PDE1A: variants seen among roughly 807,000 people sequenced by gnomAD.
PDE1A encodes phosphodiesterase 1A.
PDE1A carries 35 observed loss-of-function variants against 61.7 expected under a neutral mutation model. The observed-to-expected ratio is 0.57, with a 90% confidence interval of 0.43 to 0.75. The LOEUF (loss-of-function observed/expected upper bound fraction) is 0.75. Among genes scored for constraint, PDE1A ranks in the 30% least tolerant of loss-of-function variants. The pLI, the probability that PDE1A is intolerant of heterozygous loss-of-function variation, is 0.00. For missense variants in PDE1A, 597 were observed against 630.6 expected (o/e 0.95, Z 0.57); for synonymous variants, 232 against 213.2 (o/e 1.09, Z -0.77).
upstream of PDE1A, among the ~76,000 whole-genome samples, chr2:182,431,556 C>T (rs1384730650): frequency 6.6e-6 from 1 of 152,104 alleles, no homozygotes; most frequent in Non-Finnish European, 1.5e-5. Context: ...ACAGTAGAAT[C>T]ATTTTCGAGA....
chr2:182,449,049 T>TACACACACACAC (rs200893342), intron 2 of PDE1A, among the ~76,000 whole-genome samples: 32 of 90,644 alleles, frequency 3.5e-4, no homozygotes, highest in African/African-American at 9.5e-4. Flanking sequence ...ATCATACACA[T>TACACACACACAC]ACACACACAC....
chr2:182,468,225 C>T (rs1686798653), intron 2 of PDE1A, among the ~76,000 whole-genome samples: 1 of 152,090 alleles, frequency 6.6e-6, no homozygotes, highest in East Asian at 1.9e-4. Context: ...TGTTTGATAG[C>T]ATTTGACTGA....
intron 1 of PDE1A, among the ~76,000 whole-genome samples, chr2:182,363,125 C>G (rs1180965178): frequency 6.6e-6 from 1 of 151,902 alleles, no homozygotes; most frequent in Middle Eastern, 3.2e-3. Context: ...AGGCTTAATA[C>G]CTGGGTGACG....
At chr2:182,264,195 C>T in intron 2 of PDE1A, 106 bp downstream of exon 2, 1 of 678,632 alleles carries the variant, frequency 1.5e-6, no homozygotes, top group Middle Eastern at 2.8e-4. Flanking sequence ...TTTGGTTTCA[C>T]AGGAAGATAT....
At position 182,382,511 on chromosome 2, in the gene PDE1A, C is replaced by T. The variant is rs1218712232; in HGVS notation, c.53+44067G>A. Among the ~76,000 whole-genome samples the T allele has an allele frequency of 2.6e-5, 4 of 152,184 alleles. No homozygotes were observed. In the East Asian group the frequency reaches 7.7e-4, roughly 29 times the overall value. On this transcript the variant is annotated intron_variant, in intron 1 of 13. Transcript: ENST00000351439. The stretch of plus-strand genomic sequence containing the variant: ...GCTTCCAGATAAGAGCCCAGACTAG[C>T]TAACACCTTGATTTCATTCTTGTGA...
intron 1 of PDE1A, among the ~76,000 whole-genome samples, chr2:182,356,481 T>A (rs2125134175): frequency 6.6e-6 from 1 of 152,180 alleles, no homozygotes; most frequent in Non-Finnish European, 1.5e-5. Context: ...TCTAATAATT[T>A]TTATGAAAAG....
the PDE1A span, among the ~76,000 whole-genome samples, chr2:182,533,492 G>A: frequency 2.0e-5 from 3 of 152,146 alleles, no homozygotes; most frequent in Non-Finnish European, 2.9e-5. Flanking sequence ...AAATGAGGAT[G>A]AGAAGTGGAG....
At chr2:182,545,418 CTTCT>C in the PDE1A span, among the ~76,000 whole-genome samples, 1 of 152,232 alleles carries the variant, frequency 6.6e-6, no homozygotes, top group Non-Finnish European at 1.5e-5. Context: ...TGCTCAATGT[CTTCT>C]TTCTTACATT....
At chr2:182,351,127 G>A (rs1559365621) in intron 1 of PDE1A, among the ~76,000 whole-genome samples, 1 of 152,202 alleles carries the variant, frequency 6.6e-6, no homozygotes, top group Non-Finnish European at 1.5e-5. Flanking sequence ...GATATAAGCA[G>A]ACCCTGTCTT....
chr2:182,175,195 C>T (rs28836623), intron 13 of PDE1A, among the ~76,000 whole-genome samples: 82,248 of 152,020 alleles, frequency 0.54, 22,449 homozygotes, highest in East Asian at 0.59. Context: ...AACAGTGCTG[C>T]AATAAACATA....
the PDE1A span, among the ~76,000 whole-genome samples, chr2:182,701,871 A>G: frequency 1.8e-4 from 28 of 152,332 alleles, no homozygotes; most frequent in South Asian, 4.6e-3. Context: ...AATGCTAACA[A>G]GATCAATTTT....
chr2:182,336,713 C>A (rs1232943974), intron 1 of PDE1A, among the ~76,000 whole-genome samples: 1 of 151,800 alleles, frequency 6.6e-6, no homozygotes, highest in Non-Finnish European at 1.5e-5. Context: ...CACGTGTATA[C>A]CTATGTAACA....
At chr2:182,308,015 A>G (rs770618652) in intron 1 of PDE1A, among the ~76,000 whole-genome samples, 2 of 152,176 alleles carry the variant, frequency 1.3e-5, no homozygotes, top group Non-Finnish European at 2.9e-5. Flanking sequence ...ACTAAATATA[A>G]TCGTTTTTTA....
intron 6 of PDE1A, among the ~76,000 whole-genome samples, chr2:182,225,018 GATC>G (rs1689029485): frequency 6.6e-6 from 1 of 151,860 alleles, no homozygotes; most frequent in Non-Finnish European, 1.5e-5. Context: ...AACAGAAAGA[GATC>G]ATGTAAACTA....
chr2:182,183,016 C>T (rs1684897239), intron 13 of PDE1A, among the ~76,000 whole-genome samples: 1 of 152,072 alleles, frequency 6.6e-6, no homozygotes, highest in African/African-American at 2.4e-5. Flanking sequence ...AGGGACACCC[C>T]TAGTTTCTAT....
intron 1 of PDE1A, among the ~76,000 whole-genome samples, chr2:182,408,358 AG>A (rs1404227253): frequency 6.6e-6 from 1 of 152,226 alleles, no homozygotes; most frequent in African/African-American, 2.4e-5. Context: ...ACCTTAAAAA[AG>A]TTAGCTAACA....
the PDE1A span, among the ~76,000 whole-genome samples, chr2:182,572,346 G>A: frequency 6.6e-6 from 1 of 152,212 alleles, no homozygotes; most frequent in Non-Finnish European, 1.5e-5. Flanking sequence ...ATATAACTCT[G>A]CAGGAAAACA....
chr2:182,280,253 G>A (rs1693713522), intron 1 of PDE1A, among the ~76,000 whole-genome samples: 1 of 151,658 alleles, frequency 6.6e-6, no homozygotes, highest in South Asian at 2.1e-4. Context: ...ATATCAATCA[G>A]CACTTCCTCT....
chr2:182,712,960 T>C, the PDE1A span, among the ~76,000 whole-genome samples: 1 of 152,280 alleles, frequency 6.6e-6, no homozygotes, highest in African/African-American at 2.4e-5. Context: ...CTCCTTAAAA[T>C]AAACTACATC....
Sources: allele counts gnomAD v4.1 joint callset (sites outside exome capture counted in the v4.1 genomes callset), GRCh38; gene constraint gnomAD v4.1.1; transcripts MANE v1.5; gene names NCBI Gene and HGNC (gene_info 2026-07-23, HGNC 2026-07-21).